MAP4: variants seen among roughly 807,000 people sequenced by gnomAD.
MAP4 encodes microtubule-associated protein 4.
A neutral mutation model predicts 170.2 loss-of-function variants in MAP4; 76 were observed. The observed-to-expected ratio is 0.45, with a 90% confidence interval of 0.37 to 0.54. The LOEUF is 0.54. Ranked by LOEUF, MAP4 falls within the 20% of genes least tolerant of loss-of-function variation. MAP4 has a pLI of 0.00. For synonymous variants in MAP4, 909 were observed against 994.5 expected (o/e 0.91, Z 1.62); for missense variants, 2,506 against 2,748.0 (o/e 0.91, Z 1.97).
chr3:48,004,896 T>C lies in MAP4; in HGVS notation c.-19-6017A>G, dbSNP rs1035344016. Among the ~76,000 whole-genome samples, 6 of 152,100 alleles carry C rather than the reference T, an allele frequency of 3.9e-5. No individual in the cohort carries two copies. The South Asian group carries it at 1.2e-3, about 32-fold the overall frequency. On this transcript the variant is annotated intron_variant, in intron 1 of 20. Coordinates refer to ENST00000683076, the MANE Select transcript of MAP4 (RefSeq NM_001385682.1). ...CTACGGACATAAACCCTGAGCTGCCTGAGGCAAGAGTCATGGCCTCCTCTC... is the reference window on the plus strand; with the variant it reads ...CTACGGACATAAACCCTGAGCTGCCCGAGGCAAGAGTCATGGCCTCCTCTC...
At chr3:47,866,409 G>C (rs1241022476) in intron 17 of MAP4, among the ~76,000 whole-genome samples, 1 of 151,478 alleles carries the variant, frequency 6.6e-6, no homozygotes, top group Non-Finnish European at 1.5e-5. Context: ...AAAAGGAGGG[G>C]AAGAAAAAGG....
chr3:47,892,137 C>T (rs1382164250), intron 10 of MAP4: 9 of 1,535,988 alleles, frequency 5.9e-6, no homozygotes, highest in Non-Finnish European at 7.8e-6. Flanking sequence ...ACCGAGTTCC[C>T]CTCCAAGGGA....
intron 3 of MAP4, among the ~76,000 whole-genome samples, chr3:47,929,661 A>C: frequency 6.8e-6 from 1 of 147,342 alleles, no homozygotes. Flanking sequence ...AAAAAAAGAC[A>C]AGACAAAGAC....
chr3:48,078,387 G>T (rs550956713), intron 1 of MAP4, among the ~76,000 whole-genome samples: 6 of 149,718 alleles, frequency 4.0e-5, no homozygotes, highest in African/African-American at 1.5e-4. Flanking sequence ...AAACTCCTGG[G>T]CTCAAGCAAT....
chr3:48,084,175 A>G (rs1424715495), intron 1 of MAP4, among the ~76,000 whole-genome samples: 1 of 149,448 alleles, frequency 6.7e-6, no homozygotes, highest in African/African-American at 2.5e-5. Flanking sequence ...GCGCCACTGT[A>G]CTCCAGCCTG....
At chr3:47,978,540 C>T (rs2100083531) in intron 2 of MAP4, among the ~76,000 whole-genome samples, 1 of 152,158 alleles carries the variant, frequency 6.6e-6, no homozygotes, top group Non-Finnish European at 1.5e-5. Flanking sequence ...CGGGCTCAAA[C>T]TCCTGACCTC....
At chr3:47,891,642 C>T in intron 10 of MAP4, 1 of 1,536,118 alleles carries the variant, frequency 6.5e-7, no homozygotes, top group Non-Finnish European at 8.7e-7. Context: ...AGCACAGCCT[C>T]CTCGGTAGAA....
chr3:47,938,253 T>A (rs896043240), intron 3 of MAP4, among the ~76,000 whole-genome samples: 2 of 151,764 alleles, frequency 1.3e-5, no homozygotes, highest in Non-Finnish European at 2.9e-5. Flanking sequence ...ACACCTGTAA[T>A]CCTACTCGGG....
At chr3:48,033,789 CG>C in intron 1 of MAP4, among the ~76,000 whole-genome samples, 1 of 151,902 alleles carries the variant, frequency 6.6e-6, no homozygotes, top group Non-Finnish European at 1.5e-5. Context: ...TTAGTAAAGA[CG>C]GATTTTTTCA....
At chr3:47,904,406 C>T (rs2100031722) in intron 9 of MAP4, among the ~76,000 whole-genome samples, 1 of 151,834 alleles carries the variant, frequency 6.6e-6, no homozygotes, top group East Asian at 1.9e-4. Context: ...ACCTCTGCCT[C>T]CTAGGTTCAA....
intron 2 of MAP4, among the ~76,000 whole-genome samples, chr3:47,995,115 C>T (rs191219992): frequency 6.6e-6 from 1 of 152,002 alleles, no homozygotes; most frequent in Non-Finnish European, 1.5e-5. Flanking sequence ...TATTTTTTAG[C>T]CTGTTCAAAA....
intron 3 of MAP4, among the ~76,000 whole-genome samples, chr3:47,945,508 C>T (rs2100059214): frequency 6.6e-6 from 1 of 151,926 alleles, no homozygotes; most frequent in South Asian, 2.1e-4. Flanking sequence ...TGGCCTGATA[C>T]CTAGGTGGTG....
intron 1 of MAP4, among the ~76,000 whole-genome samples, chr3:48,080,907 GA>G (rs1163732481): frequency 6.6e-6 from 1 of 152,228 alleles, no homozygotes; most frequent in Non-Finnish European, 1.5e-5. Context: ...GGCAGATCAC[GA>G]AGTCAGGAGA....
chr3:48,063,115 T>A (rs2100136712), intron 1 of MAP4, among the ~76,000 whole-genome samples: 1 of 150,568 alleles, frequency 6.6e-6, no homozygotes, highest in Non-Finnish European at 1.5e-5. Context: ...TAAAAGAAAT[T>A]ATTAATAAGA....
chr3:47,995,386 G>A (rs2100094889), intron 2 of MAP4, among the ~76,000 whole-genome samples: 1 of 151,800 alleles, frequency 6.6e-6, no homozygotes, highest in Non-Finnish European at 1.5e-5. Flanking sequence ...GAGTACCTGG[G>A]ATTACAGGTG....
At chr3:48,067,608 T>C (rs566045451) in intron 1 of MAP4, among the ~76,000 whole-genome samples, 5 of 151,460 alleles carry the variant, frequency 3.3e-5, no homozygotes, top group South Asian at 4.2e-4. Flanking sequence ...TCCCCGTTAC[T>C]GTCTCAAAGT....
chr3:47,977,502 C>A (rs543092162), intron 3 of MAP4, among the ~76,000 whole-genome samples: 1 of 152,132 alleles, frequency 6.6e-6, no homozygotes, highest in Non-Finnish European at 1.5e-5. Context: ...GAAAGCTAAA[C>A]GCAATGTGAT....
intron 2 of MAP4, among the ~76,000 whole-genome samples, chr3:47,992,183 A>G (rs2100092744): frequency 6.6e-6 from 1 of 152,176 alleles, no homozygotes; most frequent in Non-Finnish European, 1.5e-5. Flanking sequence ...TCATTATGGC[A>G]AAAACCATCA....
chr3:48,073,982 A>G (rs1038262228), intron 1 of MAP4, among the ~76,000 whole-genome samples: 13 of 152,174 alleles, frequency 8.5e-5, no homozygotes, highest in Admixed American at 6.6e-5. Flanking sequence ...ATTATAAATC[A>G]TGTGTCTTTT....
Sources: allele counts gnomAD v4.1 joint callset (sites outside exome capture counted in the v4.1 genomes callset), GRCh38; gene constraint gnomAD v4.1.1; transcripts MANE v1.5; gene names NCBI Gene and HGNC (gene_info 2026-07-23, HGNC 2026-07-21).